RBFOX1: variants seen among roughly 807,000 people sequenced by gnomAD.
RBFOX1 encodes the protein RNA binding fox-1 homolog 1.
In RBFOX1, 8 loss-of-function variants were observed where a neutral mutation model predicts 57.7. That is an observed-to-expected ratio of 0.14 (90% CI 0.08 to 0.25). The LOEUF is 0.25. RBFOX1 is among the 10% of genes least tolerant of loss of function. The pLI is 1.00. For synonymous variants in RBFOX1, 326 were observed against 222.4 expected (o/e 1.47, Z -4.15); for missense variants, 611 against 548.5 (o/e 1.11, Z -1.14).
intron 4 of RBFOX1, among the ~76,000 whole-genome samples, chr16:5,872,542 G>A (rs2057499406): frequency 6.6e-6 from 1 of 151,972 alleles, no homozygotes; most frequent in South Asian, 2.1e-4. Flanking sequence ...ACCAGCCTGG[G>A]CAACAGATGA....
chr16:6,555,933 T>C (rs999897190), intron 2 of RBFOX1, among the ~76,000 whole-genome samples: 2 of 152,120 alleles, frequency 1.3e-5, no homozygotes, highest in African/African-American at 2.4e-5. Context: ...ATTCGGAATA[T>C]AGGAGGATCG....
intron 2 of RBFOX1, among the ~76,000 whole-genome samples, chr16:6,456,530 G>A (rs905125969): frequency 1.3e-5 from 2 of 152,194 alleles, no homozygotes; most frequent in Non-Finnish European, 1.5e-5. Flanking sequence ...GTTAAGGCAA[G>A]TTAAGGAGTT....
At chr16:7,375,207 G>T (rs1476174015) in intron 4 of RBFOX1, among the ~76,000 whole-genome samples, 1 of 152,192 alleles carries the variant, frequency 6.6e-6, no homozygotes, top group Non-Finnish European at 1.5e-5. Flanking sequence ...GATCAGAGAA[G>T]TACATCGTTT....
chr16:6,712,673 A>C (rs1169870964), intron 3 of RBFOX1, among the ~76,000 whole-genome samples: 1 of 152,100 alleles, frequency 6.6e-6, no homozygotes, highest in Non-Finnish European at 1.5e-5. Context: ...TAGGCATGGC[A>C]GCCAAAATGT....
intron 10 of RBFOX1, among the ~76,000 whole-genome samples, chr16:7,609,690 A>T (rs569930000): frequency 1.2e-3 from 189 of 152,318 alleles, no homozygotes; most frequent in African/African-American, 4.0e-3. Context: ...AAATGCAAAA[A>T]GTTGGTATTA....
At chr16:6,601,507 T>C (rs896271886) in intron 2 of RBFOX1, among the ~76,000 whole-genome samples, 4 of 152,112 alleles carry the variant, frequency 2.6e-5, no homozygotes, top group African/African-American at 9.7e-5. Flanking sequence ...TATACCAGCG[T>C]AAGGATCCTG....
At chr16:5,433,781 T>C (rs191274828) in intron 1 of RBFOX1, among the ~76,000 whole-genome samples, 178 of 152,286 alleles carry the variant, frequency 1.2e-3, no homozygotes, top group African/African-American at 4.0e-3. Context: ...CAGGCCCTTC[T>C]TGTTCACCGC....
chr16:5,488,291 A>T (rs111173937), intron 2 of RBFOX1, among the ~76,000 whole-genome samples: 3 of 76,448 alleles, frequency 3.9e-5, no homozygotes, highest in African/African-American at 1.3e-4. Flanking sequence ...GGTGGTGATG[A>T]TGATGATAAT....
chr16:6,483,996 C>T (rs569957162), intron 2 of RBFOX1: 6 of 991,074 alleles, frequency 6.1e-6, no homozygotes, highest in Non-Finnish European at 7.3e-6. Context: ...TGGGGGTGGT[C>T]TGGACACTTG....
At chr16:7,640,289 A>G (rs181356809) in intron 11 of RBFOX1, among the ~76,000 whole-genome samples, 1 of 152,336 alleles carries the variant, frequency 6.6e-6, no homozygotes, top group East Asian at 1.9e-4. Context: ...TTTAAAGGGA[A>G]AGTTCTGCAA....
intron 3 of RBFOX1, among the ~76,000 whole-genome samples, chr16:6,745,475 G>C (rs141487787): frequency 6.6e-6 from 1 of 152,064 alleles, no homozygotes; most frequent in African/African-American, 2.4e-5. Context: ...TTTTGTTTTA[G>C]GATTGAAAAG....
chr16:6,495,682 C>G (rs900889211), intron 2 of RBFOX1, among the ~76,000 whole-genome samples: 2 of 152,174 alleles, frequency 1.3e-5, no homozygotes, highest in African/African-American at 2.4e-5. Context: ...GCTTTTGGAT[C>G]TCCAAGACGT....
intron 3 of RBFOX1, among the ~76,000 whole-genome samples, chr16:6,848,445 G>A (rs1210021303): frequency 6.6e-6 from 1 of 152,102 alleles, no homozygotes; most frequent in Non-Finnish European, 1.5e-5. Context: ...GACCACACAT[G>A]GCCAGCAGGC....
At chr16:7,307,201 G>A (rs1314450487) in intron 4 of RBFOX1, among the ~76,000 whole-genome samples, 3 of 152,022 alleles carry the variant, frequency 2.0e-5, no homozygotes, top group African/African-American at 4.8e-5. Flanking sequence ...TCTGACCACC[G>A]GCCATCGAGT....
intron 1 of RBFOX1, among the ~76,000 whole-genome samples, chr16:5,267,380 C>G (rs1390745484): frequency 6.6e-6 from 1 of 151,562 alleles, no homozygotes; most frequent in Non-Finnish European, 1.5e-5. Flanking sequence ...TCACTGCAAC[C>G]TCCGCCTCCT....
chr16:5,398,914 G>A (rs1304549608), intron 1 of RBFOX1, among the ~76,000 whole-genome samples: 1 of 152,206 alleles, frequency 6.6e-6, no homozygotes, highest in East Asian at 1.9e-4. Flanking sequence ...AGCAGCGGAG[G>A]CTGTGAACCA....
chr16:5,876,393 A>G (rs1222266286), intron 4 of RBFOX1, among the ~76,000 whole-genome samples: 2 of 152,148 alleles, frequency 1.3e-5, no homozygotes, highest in East Asian at 1.9e-4. Context: ...TCACAAATGT[A>G]ATAGGAGGGA....
At chr16:6,182,238 G>A (rs1048962512) in intron 1 of RBFOX1, among the ~76,000 whole-genome samples, 20 of 152,140 alleles carry the variant, frequency 1.3e-4, no homozygotes, top group Middle Eastern at 3.2e-3. Flanking sequence ...TAAGTTACTG[G>A]AAGATTAGGA....
At chr16:7,583,584 G>A (rs2093936403) in intron 6 of RBFOX1, among the ~76,000 whole-genome samples, 1 of 152,180 alleles carries the variant, frequency 6.6e-6, no homozygotes, top group Non-Finnish European at 1.5e-5. Flanking sequence ...TGTTCTGGAT[G>A]CCTTCACGGA....
Sources: gnomAD v4.1 joint callset for allele counts (sites outside exome capture counted in the v4.1 genomes callset) on GRCh38, gnomAD v4.1.1 for gene constraint, MANE v1.5 for transcripts, NCBI Gene and HGNC (gene_info 2026-07-23, HGNC 2026-07-21) for gene names.